TENM1: variants seen among roughly 807,000 people sequenced by gnomAD.
TENM1 encodes the protein teneurin transmembrane protein 1.
A neutral mutation model predicts 174.8 loss-of-function variants in TENM1; 35 were observed. That is an observed-to-expected ratio of 0.20 (90% CI 0.15 to 0.27). The LOEUF is 0.27. Ranked by LOEUF, TENM1 falls within the 10% of genes least tolerant of loss-of-function variation. The pLI is 1.00. For missense variants in TENM1, 1,633 were observed against 2,130.1 expected (o/e 0.77, Z 4.59); for synonymous variants, 781 against 798.7 (o/e 0.98, Z 0.37).
chrX:124,904,074 T>C (rs2057707876), intron 1 of TENM1, among the ~76,000 whole-genome samples: 1 of 111,104 alleles, frequency 9.0e-6, no homozygotes, highest in Non-Finnish European at 1.9e-5. Flanking sequence ...TGTGTGCGTG[T>C]GTGTGTGTGT....
intron 23 of TENM1, among the ~76,000 whole-genome samples, chrX:124,437,743 C>T (rs776642691): frequency 3.0e-4 from 34 of 112,065 alleles, no homozygotes; most frequent in African/African-American, 1.0e-3. Flanking sequence ...CCTTCAGAAT[C>T]CTCTTCTCAT....
At chrX:125,012,419 C>G in the TENM1 span, among the ~76,000 whole-genome samples, 1 of 112,044 alleles carries the variant, frequency 8.9e-6, no homozygotes, top group Non-Finnish European at 1.9e-5. Flanking sequence ...TAAAATGAGA[C>G]TACACGCTTA....
intron 14 of TENM1, among the ~76,000 whole-genome samples, chrX:124,551,990 G>A (rs2048583703): frequency 8.9e-6 from 1 of 111,934 alleles, no homozygotes; most frequent in African/African-American, 3.3e-5. Context: ...TTCATTTTAT[G>A]AACTATGCTT....
At chrX:124,703,881 G>C (rs1006594889) in intron 5 of TENM1, among the ~76,000 whole-genome samples, 1 of 112,017 alleles carries the variant, frequency 8.9e-6, no homozygotes, top group Non-Finnish European at 1.9e-5. Flanking sequence ...TATTCAGCTT[G>C]TGTGATGAAA....
chrX:124,514,253 T>C (rs1189412385), intron 18 of TENM1, among the ~76,000 whole-genome samples: 1 of 110,688 alleles, frequency 9.0e-6, no homozygotes, highest in Non-Finnish European at 1.9e-5. Flanking sequence ...GGTCAGCTCT[T>C]CATGAGAGGA....
chrX:124,765,246 T>C (rs1395498147), intron 3 of TENM1, among the ~76,000 whole-genome samples: 1 of 112,169 alleles, frequency 8.9e-6, no homozygotes, highest in Non-Finnish European at 1.9e-5. Context: ...TGGTTCATTT[T>C]CAGATTTTGG....
chrX:124,695,442 C>T (rs1015495367), intron 5 of TENM1, among the ~76,000 whole-genome samples: 5 of 110,579 alleles, frequency 4.5e-5, no homozygotes, highest in Non-Finnish European at 9.5e-5. Flanking sequence ...GGGAGGGAAA[C>T]GCAAAGGGAG....
chrX:124,422,659 A>G, intron 23 of TENM1, 21 bp from the exon 27 acceptor site: 1 of 1,191,903 alleles, frequency 8.4e-7, no homozygotes, highest in East Asian at 3.0e-5. Flanking sequence ...AACAGAACAC[A>G]TACCATTAGG....
At chrX:125,171,149 A>G in the TENM1 span, among the ~76,000 whole-genome samples, 1 of 110,104 alleles carries the variant, frequency 9.1e-6, no homozygotes, top group African/African-American at 3.3e-5. Context: ...TTTTCTATCA[A>G]TCTTTACACA....
the TENM1 span, among the ~76,000 whole-genome samples, chrX:125,186,561 A>T: frequency 1.9e-5 from 2 of 106,226 alleles, no homozygotes; most frequent in African/African-American, 7.0e-5. Context: ...CTTAGTTCCC[A>T]TGAGAAATGC....
At chrX:124,549,073 T>C (rs996107861) in intron 14 of TENM1, among the ~76,000 whole-genome samples, 2 of 112,100 alleles carry the variant, frequency 1.8e-5, no homozygotes, top group African/African-American at 6.5e-5. Flanking sequence ...TTCTTTCTGC[T>C]TCCCCTTTTC....
At chrX:124,801,976 T>TGACA (rs1340589320) in intron 3 of TENM1, among the ~76,000 whole-genome samples, 5 of 111,921 alleles carry the variant, frequency 4.5e-5, no homozygotes, top group African/African-American at 1.6e-4. Context: ...GATAGGCTTC[T>TGACA]CTTTGAAGGT....
rs1299768178 is a variant in TENM1, at chrX:124,665,340, C to CA, written c.1168+6342dup. Reference sequence around the variant, plus strand: ...GGGCAACAAGAGCAAAACTCCGTCTCAAAAAAAAAAGAAAAGGTAACGATA... The same window carrying CA: ...GGGCAACAAGAGCAAAACTCCGTCTCAAAAAAAAAAAGAAAAGGTAACGATA... On this transcript the variant is annotated intron_variant, in intron 6 of 31. Coordinates refer to ENST00000422452, the Ensembl canonical transcript of TENM1. 1.8e-3 allele frequency among the ~76,000 whole-genome samples: 180 copies of CA among 99,020 alleles called. 1 individual carries two copies. Among genetic ancestry groups the CA allele is most frequent in the African/African-American group, 4.1e-3 (112 of 27,134 alleles). The allele number at this position is 99,020 out of a possible 115,157, so 86.0% of individuals were successfully genotyped here. A position where few individuals can be genotyped will look rare whatever the true frequency, so the allele number is the denominator to read the frequency against.
chrX:124,548,987 C>A (rs2858444), intron 14 of TENM1, among the ~76,000 whole-genome samples: 33,553 of 110,478 alleles, frequency 0.3, 4,002 homozygotes, highest in East Asian at 0.79. Flanking sequence ...GTGTTTTTGC[C>A]CCTGATTTCT....
At chrX:124,951,827 A>C (rs1441825744) in intron 1 of TENM1, among the ~76,000 whole-genome samples, 2 of 109,273 alleles carry the variant, frequency 1.8e-5, no homozygotes, top group Non-Finnish European at 1.9e-5. Flanking sequence ...TCCAAGCTCT[A>C]AAGTAAATTA....
intron 22 of TENM1, among the ~76,000 whole-genome samples, chrX:124,479,080 G>A (rs1163852143): frequency 8.9e-6 from 1 of 112,411 alleles, no homozygotes; most frequent in Admixed American, 9.4e-5. Flanking sequence ...GCACCTAAGT[G>A]TTCTGACCAG....
chrX:124,528,695 G>A (rs1296856322), intron 16 of TENM1, among the ~76,000 whole-genome samples: 2 of 109,783 alleles, frequency 1.8e-5, no homozygotes, highest in Non-Finnish European at 3.8e-5. Flanking sequence ...ATATATATGT[G>A]CATATATATG....
At chrX:124,421,926 T>A (rs1188313133) in intron 24 of TENM1, among the ~76,000 whole-genome samples, 1 of 112,301 alleles carries the variant, frequency 8.9e-6, no homozygotes, top group East Asian at 2.8e-4. Context: ...AATATCATGA[T>A]CTTTCATTTG....
At chrX:124,759,961 A>G (rs1322088916) in intron 3 of TENM1, among the ~76,000 whole-genome samples, 2 of 111,531 alleles carry the variant, frequency 1.8e-5, no homozygotes, top group African/African-American at 6.5e-5. Context: ...CCCTGCTTTC[A>G]AGCCTATAAT....
Sources: allele counts gnomAD v4.1 joint callset (sites outside exome capture counted in the v4.1 genomes callset), GRCh38; gene constraint gnomAD v4.1.1; transcripts MANE v1.5; gene names NCBI Gene and HGNC (gene_info 2026-07-23, HGNC 2026-07-21).